MTIF2: variants seen among roughly 807,000 people sequenced by gnomAD.
The protein encoded by MTIF2 is mitochondrial translational initiation factor 2, also known as translation initiation factor IF-2, mitochondrial.
Under a neutral mutation model 83.5 loss-of-function variants are expected in MTIF2, and 71 were observed. The observed-to-expected ratio is 0.85, with a 90% CI of 0.70 to 1.04. MTIF2 has a LOEUF of 1.04. MTIF2 is among the 50% of genes least tolerant of loss of function. MTIF2 has a pLI of 0.00. For synonymous variants in MTIF2, 319 were observed against 287.1 expected, an observed-to-expected ratio of 1.11 and a Z score of -1.12; for missense variants, 957 against 846.5, an observed-to-expected ratio of 1.13 and a Z score of -1.62.
rs955012038 is a variant in MTIF2, at chr2:55,267,218, G to A, written c.-8+351C>T. ...ATCGCTCAGGCTGGAGTGCAATGGC[G>A]TGATCTTGGCTCACTACAACCTCCA... On this transcript the variant is annotated intron_variant, in intron 3 of 15. Coordinates refer to ENST00000263629, the MANE Select transcript of MTIF2 (RefSeq NM_002453.3). 3.9e-5 allele frequency among the ~76,000 whole-genome samples: 6 copies of A among 152,012 alleles called. No individual in the cohort carries two copies. In the East Asian group the frequency reaches 9.7e-4, roughly 25 times the overall value.
At position 55,244,252 on chromosome 2, in the gene MTIF2, T is replaced by C. The variant is rs1676532745; in HGVS notation, c.1107-19A>G. ...AACAAGACTAAAATGAAAATAAAAG[T>C]ATATTTTCAATGTCATAATGTACTT... On this transcript the variant is annotated intron_variant, in intron 10 of 15. Coordinates refer to ENST00000263629, the MANE Select transcript of MTIF2 (RefSeq NM_002453.3). 1 of 1,570,288 alleles carries C rather than the reference T, an allele frequency of 6.4e-7. No homozygotes were observed. The highest frequency in any genetic ancestry group is 8.7e-7 in the Non-Finnish European group (1 of 1,143,464).
intron 9 of MTIF2, among the ~76,000 whole-genome samples, chr2:55,246,903 T>C (rs1676740297): frequency 6.6e-6 from 1 of 152,238 alleles, no homozygotes; most frequent in Non-Finnish European, 1.5e-5. Context: ...TATTATTTCA[T>C]TTGATCAACT....
intron 5 of MTIF2, among the ~76,000 whole-genome samples, chr2:55,257,089 C>T (rs779833583): frequency 3.3e-5 from 5 of 152,016 alleles, no homozygotes; most frequent in South Asian, 2.1e-4. Context: ...TGTTTCCCTG[C>T]GGATGATAAA....
At chr2:55,264,928 C>T (rs553912680) in intron 3 of MTIF2, among the ~76,000 whole-genome samples, 3 of 152,048 alleles carry the variant, frequency 2.0e-5, no homozygotes, top group Admixed American at 1.3e-4. Flanking sequence ...AGGACAGGAA[C>T]GACAAAAACA....
intron 6 of MTIF2, among the ~76,000 whole-genome samples, 190 bp from the exon 7 acceptor site, chr2:55,254,391 G>A (rs1677351865): frequency 6.6e-6 from 1 of 152,020 alleles, no homozygotes; most frequent in Non-Finnish European, 1.5e-5. Context: ...CCTGTGGTTT[G>A]CATTTTCATA....
In MTIF2 at chr2:55,254,636, T is replaced by A. The variant is rs1677373377; in HGVS notation, c.503+18A>T. The A allele has an allele frequency of 6.3e-7, 1 of 1,575,940 alleles. No homozygotes were observed. The highest frequency in any genetic ancestry group is 1.2e-5 in the South Asian group (1 of 84,636). ...TAGTCTCCCCCAAACCCTGCCAGTA[T>A]ATACAGTTAAGTTTTACCTTCTTAC... On this transcript the variant is annotated intron_variant, in intron 6 of 15. Transcript: ENST00000263629.
intron 5 of MTIF2, among the ~76,000 whole-genome samples, 182 bp downstream of exon 5, chr2:55,262,134 C>T (rs929904243): frequency 1.3e-5 from 2 of 152,134 alleles, no homozygotes; most frequent in African/African-American, 4.8e-5. Context: ...TGGAGAACTA[C>T]ATTTGGCAGT....
At chr2:55,263,071 C>T (rs1441111908) in intron 4 of MTIF2, among the ~76,000 whole-genome samples, 1 of 152,164 alleles carries the variant, frequency 6.6e-6, no homozygotes, top group African/African-American at 2.4e-5. Context: ...CCATGTTGGC[C>T]AGGACGGTCT....
intron 9 of MTIF2, among the ~76,000 whole-genome samples, chr2:55,247,753 AC>A (rs1676806985): frequency 6.6e-6 from 1 of 151,480 alleles, no homozygotes; most frequent in African/African-American, 2.4e-5. Flanking sequence ...GCCTCATCTT[AC>A]CTCCCTGCCA....
Position 55,263,808 on chromosome 2 carries a change from A to T in MTIF2, c.51T>A (p.Ile17=). 6.2e-7 allele frequency: 1 copy of T among 1,614,152 alleles called. No individual in the cohort carries two copies. Residue 17 remains isoleucine (I), a synonymous_variant, in exon 4 of 16, where the codon ATT becomes ATA. Coordinates refer to ENST00000263629, the MANE Select transcript of MTIF2 (RefSeq NM_002453.3). The part of the protein sequence containing the change: ...KLENLLRFHT[I]YRQLHSLCQR... ...GACACAGACTGTGCAGTTGCCTATAAATAGTGTGAAATCGTAGCAAGTTCT... is the reference window on the plus strand; with the variant it reads ...GACACAGACTGTGCAGTTGCCTATATATAGTGTGAAATCGTAGCAAGTTCT...
Position 55,252,581 on chromosome 2 carries a change from G to A in MTIF2, c.737C>T (p.Ala246Val). Residue 246 changes from alanine (A) to valine (V), a missense_variant, in exon 8 of 16, where the codon GCC (alanine) becomes GTC (valine). Coordinates refer to ENST00000263629, the MANE Select transcript of MTIF2 (RefSeq NM_002453.3). ...AATGTCAGTGACCTGAGCACCTCTG[G>A]CTCTCATTGCTGAGAAAGCAGCATG... ...PGHAAFSAMR[A>V]RGAQVTDIVV... 1.2e-6 allele frequency: 2 copies of A among 1,614,036 alleles called. No homozygotes were observed. Among genetic ancestry groups the A allele is most frequent in the Non-Finnish European group, 1.7e-6 (2 of 1,179,934 alleles).
chr2:55,262,917 C>A (rs1054645358), intron 4 of MTIF2, among the ~76,000 whole-genome samples: 4 of 152,254 alleles, frequency 2.6e-5, no homozygotes, highest in Admixed American at 2.6e-4. Context: ...TCAGTAGAAA[C>A]AGGGTTTCGC....
At chr2:55,262,026 CATTCTTTGGATTT>C (rs1393114709) in intron 5 of MTIF2, among the ~76,000 whole-genome samples, 1 of 147,900 alleles carries the variant, frequency 6.8e-6, no homozygotes, top group Non-Finnish European at 1.5e-5. Flanking sequence ...AGTCTAAAAA[CATTCTTTGGATTT>C]ATTCTAATAG....
intron 13 of MTIF2, among the ~76,000 whole-genome samples, chr2:55,241,369 G>C (rs1367589132): frequency 6.8e-6 from 1 of 146,862 alleles, no homozygotes; most frequent in Non-Finnish European, 1.5e-5. Flanking sequence ...GGTGAGCCAA[G>C]ATTACGCCAC....
chr2:55,243,187 C>T, intron 12 of MTIF2, 107 bp from the exon 13 acceptor site: 1 of 1,215,070 alleles, frequency 8.2e-7, no homozygotes, highest in Non-Finnish European at 1.1e-6. Context: ...TCATTTATCA[C>T]TAAATCCACT....
intron 13 of MTIF2, among the ~76,000 whole-genome samples, chr2:55,240,975 A>T (rs1011038299): frequency 2.6e-5 from 4 of 152,102 alleles, no homozygotes; most frequent in African/African-American, 9.7e-5. Context: ...AAAAATAGTG[A>T]CTTAATTGGT....
At chr2:55,249,570 G>A (rs1676944760) in intron 8 of MTIF2, 36 bp from the exon 9 acceptor site, 1 of 1,535,020 alleles carries the variant, frequency 6.5e-7, no homozygotes, top group Non-Finnish European at 8.9e-7. Context: ...TGAAAATGAT[G>A]ACACCTTCAA....
At chr2:55,254,348 C>T (rs113329029) in intron 6 of MTIF2, 147 bp from the exon 7 acceptor site, 3 of 577,156 alleles carry the variant, frequency 5.2e-6, no homozygotes, top group Non-Finnish European at 7.2e-6. Flanking sequence ...CCCTCCTATA[C>T]ATATGACAGA....
intron 3 of MTIF2, among the ~76,000 whole-genome samples, chr2:55,264,264 A>T (rs1358747910): frequency 6.6e-6 from 1 of 152,206 alleles, no homozygotes; most frequent in African/African-American, 2.4e-5. Context: ...TCACTCTATC[A>T]TCCAGGCTGG....
Sources: allele counts gnomAD v4.1 joint callset (sites outside exome capture counted in the v4.1 genomes callset), GRCh38; gene constraint gnomAD v4.1.1; transcripts MANE v1.5; gene names NCBI Gene and HGNC (gene_info 2026-07-23, HGNC 2026-07-21).